PCDHA9: variants seen among roughly 807,000 people sequenced by gnomAD.
The protein encoded by PCDHA9 is protocadherin alpha-9.
In PCDHA9, 62 loss-of-function variants were observed where a neutral mutation model predicts 62.0. The observed-to-expected ratio is 1.00, with a 90% CI of 0.81 to 1.23. PCDHA9 has a LOEUF of 1.23. PCDHA9 is among the 50% of genes most tolerant of loss of function. The probability of loss-of-function intolerance (pLI) is 0.00; values close to 1 mark genes in which losing one functional copy is unlikely to be tolerated. For synonymous variants in PCDHA9, 557 were observed against 567.6 expected (o/e 0.98, Z 0.27); for missense variants, 1,205 against 1,249.8 (o/e 0.96, Z 0.54).
At chr5:140,952,807 C>T (rs1390694306) in intron 1 of PCDHA9, among the ~76,000 whole-genome samples, 2 of 152,158 alleles carry the variant, frequency 1.3e-5, no homozygotes, top group Admixed American at 6.5e-5. Context: ...CGCAGTTCTG[C>T]AGGCTGTACA....
In PCDHA9 at chr5:140,849,637, C is replaced by T. The variant is rs1581190048; in HGVS notation, c.1142C>T (p.Ala381Val). 3.8e-6 allele frequency: 6 copies of T among 1,598,688 alleles called. 1 individual carries two copies. Among genetic ancestry groups the T allele is most frequent in the Non-Finnish European group, 5.1e-6 (6 of 1,167,950 alleles). Residue 381 changes from alanine to valine, a missense_variant, in exon 1 of 4, where the codon GCC becomes GTC. Transcript: ENST00000532602. ...AGTGTGATCGACCTAGACGCAGATG[C>T]CAACGGGCAGGTTACCTGCTCCCTG... ...LISVIDLDAD[A>V]NGQVTCSLTP...
At chr5:140,960,923 G>A (rs1478943565) in intron 1 of PCDHA9, among the ~76,000 whole-genome samples, 1 of 152,168 alleles carries the variant, frequency 6.6e-6, no homozygotes, top group African/African-American at 2.4e-5. Context: ...TAGAAAATTG[G>A]TACTAAGTTT....
At chr5:140,905,986 T>G (rs2072268646) in intron 1 of PCDHA9, among the ~76,000 whole-genome samples, 1 of 152,198 alleles carries the variant, frequency 6.6e-6, no homozygotes, top group Non-Finnish European at 1.5e-5. Flanking sequence ...GGGAGAAAGA[T>G]GTAGGCTGGG....
chr5:140,850,390 G>A lies in PCDHA9; in HGVS notation c.1895G>A (p.Ser632Asn). ...GTGGGGCTGTACACGGGCGAGATCA[G>A]CACAACGCGTGCCCTGGACGAAACG... ...FRVGLYTGEISTTRALDETDA... is the reference protein window; with the variant it reads ...FRVGLYTGEINTTRALDETDA... The change falls in exon 1 of 4, where the codon AGC becomes AAC. Residue 632 changes from serine to asparagine, a missense_variant. Ser to Asn is a conservative substitution (Grantham distance 46, BLOSUM62 1). Around this residue, in one of 3 missense-constraint regions of PCDHA9, gnomAD observed 887 missense variants for 809.5 expected, o/e 1.10. Coordinates refer to ENST00000532602, the MANE Select transcript of PCDHA9 (RefSeq NM_031857.2). 6.3e-7 allele frequency: 1 copy of A among 1,597,946 alleles called. No individual in the cohort carries two copies. The highest frequency in any genetic ancestry group is 8.6e-7 in the Non-Finnish European group (1 of 1,167,700).
At chr5:140,917,657 G>A (rs1382905790) in intron 1 of PCDHA9, among the ~76,000 whole-genome samples, 2 of 152,156 alleles carry the variant, frequency 1.3e-5, no homozygotes, top group Admixed American at 1.3e-4. Context: ...TATTGAGTAG[G>A]AAGTCCTTTC....
At chr5:140,856,365 A>G in intron 1 of PCDHA9, 1 of 1,598,426 alleles carries the variant, frequency 6.3e-7, no homozygotes, top group Non-Finnish European at 8.6e-7. Flanking sequence ...ATCCACCTGG[A>G]GGTGATCGTG....
chr5:140,927,008 T>C (rs1482906318), intron 1 of PCDHA9: 1 of 1,612,396 alleles, frequency 6.2e-7, no homozygotes, highest in Admixed American at 1.7e-5. Context: ...GTAGGCAATC[T>C]CTCCGCGGAC....
Position 140,883,309 on chromosome 5 carries a change from C to T in PCDHA9, c.2394+32420C>T, listed in dbSNP as rs782264263. The T allele has an allele frequency of 4.3e-6, 7 of 1,613,930 alleles. No individual in the cohort carries two copies. In the Admixed American group the frequency reaches 1.2e-4, roughly 27 times the overall value. ...AAGTACTAGATGTAAATGATAACGCCCCAGAGGTTACCATCACTTCTTTGT... is the reference window on the plus strand; with the variant it reads ...AAGTACTAGATGTAAATGATAACGCTCCAGAGGTTACCATCACTTCTTTGT... On this transcript the variant is annotated intron_variant, in intron 1 of 3. Transcript: ENST00000532602.
chr5:140,872,950 G>A lies in PCDHA9; in HGVS notation c.2394+22061G>A, dbSNP rs185090422. ...AATGTTTTTGAAATTTTCTTTCCAC[G>A]TAGTATCATCCCATCTGAAGATTTG... On this transcript the variant is annotated intron_variant, in intron 1 of 3. Transcript: ENST00000532602. Among the ~76,000 whole-genome samples, 445 of 152,104 alleles carry A rather than the reference G, an allele frequency of 2.9e-3. 2 individuals carry two copies. Among genetic ancestry groups the A allele is most frequent in the Middle Eastern group, 0.014 (4 of 294 alleles).
intron 1 of PCDHA9, chr5:140,858,254 A>G (rs1325415176): frequency 6.3e-7 from 1 of 1,596,926 alleles, no homozygotes; most frequent in Non-Finnish European, 8.6e-7. Flanking sequence ...GGTGAAGCCC[A>G]CGCTGGTGTG....
At chr5:140,965,033 T>C (rs1563339344) in intron 1 of PCDHA9, among the ~76,000 whole-genome samples, 2 of 152,192 alleles carry the variant, frequency 1.3e-5, no homozygotes, top group African/African-American at 4.8e-5. Flanking sequence ...CCTTTAACTG[T>C]CCGCTCTAGG....
chr5:140,895,665 A>G (rs782373926), intron 1 of PCDHA9, among the ~76,000 whole-genome samples: 1 of 152,114 alleles, frequency 6.6e-6, no homozygotes, highest in Non-Finnish European at 1.5e-5. Flanking sequence ...AAGTGAGAAC[A>G]TGTAGTATTT....
intron 1 of PCDHA9, among the ~76,000 whole-genome samples, chr5:140,932,569 C>T (rs58622542): frequency 0.013 from 2,018 of 151,826 alleles, 38 homozygotes; most frequent in African/African-American, 0.046. Flanking sequence ...GTAGACTTTC[C>T]CATAGGGTAA....
chr5:140,855,992 T>C (rs2043714140), intron 1 of PCDHA9: 2 of 1,492,956 alleles, frequency 1.3e-6, no homozygotes, highest in Admixed American at 4.4e-5. Context: ...AAATGTCAGA[T>C]CGTATGTGCG....
intron 1 of PCDHA9, among the ~76,000 whole-genome samples, chr5:140,921,828 A>C (rs1209455799): frequency 6.6e-6 from 1 of 152,126 alleles, no homozygotes; most frequent in Non-Finnish European, 1.5e-5. Flanking sequence ...ATATCTATAC[A>C]CATATAGACA....
chr5:140,918,706 G>A (rs528090085), intron 1 of PCDHA9, among the ~76,000 whole-genome samples: 10 of 152,108 alleles, frequency 6.6e-5, no homozygotes, highest in Non-Finnish European at 1.5e-4. Context: ...AGTCATGAGG[G>A]CAGAGCCCTC....
chr5:140,892,489 G>A (rs1554185225), intron 1 of PCDHA9, among the ~76,000 whole-genome samples: 1 of 152,180 alleles, frequency 6.6e-6, no homozygotes, highest in Non-Finnish European at 1.5e-5. Context: ...CCAAACATGA[G>A]AGATTGTTTA....
intron 1 of PCDHA9, among the ~76,000 whole-genome samples, chr5:140,972,741 G>T (rs1453484254): frequency 6.9e-6 from 1 of 145,350 alleles, no homozygotes; most frequent in Non-Finnish European, 1.5e-5. Context: ...CCGGCTCACT[G>T]CAACCTCCGC....
chr5:140,853,671 A>G (rs1314444035), intron 1 of PCDHA9: 5 of 988,246 alleles, frequency 5.1e-6, no homozygotes, highest in East Asian at 1.1e-4. Flanking sequence ...ATTGGGGCCT[A>G]TGGTCAACCT....
Sources: gnomAD v4.1 joint callset for allele counts (sites outside exome capture counted in the v4.1 genomes callset) on GRCh38, gnomAD v4.1.1 for gene constraint, gnomAD v4.1.1 regional missense constraint, MANE v1.5 for transcripts, NCBI Gene and HGNC (gene_info 2026-07-23, HGNC 2026-07-21) for gene names.